CRIM1: variants seen among roughly 807,000 people sequenced by gnomAD.
The protein encoded by CRIM1 is cysteine-rich motor neuron 1 protein.
CRIM1 carries 32 observed loss-of-function variants against 116.4 expected under a neutral mutation model. That is an observed-to-expected ratio of 0.27 (90% CI 0.21 to 0.37). CRIM1 has a LOEUF of 0.37. Among genes scored for constraint, CRIM1 ranks in the 10% least tolerant of loss-of-function variants. The pLI, the probability that CRIM1 is intolerant of heterozygous loss-of-function variation, is 1.00. For synonymous variants in CRIM1, 590 were observed against 509.2 expected (o/e 1.16, Z -2.13); for missense variants, 1,331 against 1,354.8 (o/e 0.98, Z 0.28).
chr2:36,424,411 A>G (rs1000798841), intron 2 of CRIM1, among the ~76,000 whole-genome samples: 93 of 152,212 alleles, frequency 6.1e-4, no homozygotes, highest in African/African-American at 2.2e-3. Flanking sequence ...TTGCTCAGTA[A>G]ATGTTGGGTG....
intron 1 of CRIM1, among the ~76,000 whole-genome samples, chr2:36,362,952 C>A (rs1669325765): frequency 6.6e-6 from 1 of 152,000 alleles, no homozygotes; most frequent in Admixed American, 6.5e-5. Context: ...AATCCCAGCA[C>A]TTTGTGGGGC....
At chr2:36,517,986 G>C (rs1216778973) in intron 12 of CRIM1, among the ~76,000 whole-genome samples, 2 of 152,318 alleles carry the variant, frequency 1.3e-5, no homozygotes, top group East Asian at 3.9e-4. Context: ...GGGTGGCGAA[G>C]AGACTTTGAA....
chr2:36,358,392 A>G (rs1334846933), intron 1 of CRIM1, among the ~76,000 whole-genome samples: 1 of 152,240 alleles, frequency 6.6e-6, no homozygotes, highest in Non-Finnish European at 1.5e-5. Flanking sequence ...AGTTAAATGC[A>G]GTGGAAACTG....
chr2:36,387,859 T>C (rs1671283494), intron 1 of CRIM1, among the ~76,000 whole-genome samples: 1 of 152,226 alleles, frequency 6.6e-6, no homozygotes, highest in South Asian at 2.1e-4. Flanking sequence ...CTGTTTTTGT[T>C]GCTTTTACTT....
chr2:36,357,527 T>C (rs1375346128), intron 1 of CRIM1, among the ~76,000 whole-genome samples: 1 of 152,132 alleles, frequency 6.6e-6, no homozygotes, highest in African/African-American at 2.4e-5. Context: ...TGTTAGTGCG[T>C]GTTGGCTTTA....
chr2:36,450,880 G>A (rs192958771), intron 4 of CRIM1, among the ~76,000 whole-genome samples: 68 of 152,306 alleles, frequency 4.5e-4, no homozygotes, highest in Middle Eastern at 3.4e-3. Flanking sequence ...TTAGCAGATT[G>A]CTAGCACACT....
intron 8 of CRIM1, among the ~76,000 whole-genome samples, chr2:36,507,495 G>A (rs1681513345): frequency 6.6e-6 from 1 of 152,210 alleles, no homozygotes; most frequent in South Asian, 2.1e-4. Flanking sequence ...CCTATACAGT[G>A]TGTGCCTAAA....
intron 1 of CRIM1, among the ~76,000 whole-genome samples, chr2:36,374,871 T>C (rs930228888): frequency 2.0e-4 from 30 of 152,044 alleles, no homozygotes; most frequent in Non-Finnish European, 2.9e-4. Context: ...GTTTTTTTTT[T>C]TGATGTGCTT....
chr2:36,357,165 C>T (rs912642183), intron 1 of CRIM1, among the ~76,000 whole-genome samples: 11 of 152,194 alleles, frequency 7.2e-5, no homozygotes, highest in Non-Finnish European at 1.6e-4. Flanking sequence ...ACCCCTTCCT[C>T]CTCCTCCGCA....
intron 3 of CRIM1, among the ~76,000 whole-genome samples, chr2:36,442,339 C>G (rs536594297): frequency 6.6e-6 from 1 of 152,096 alleles, no homozygotes; most frequent in East Asian, 1.9e-4. Context: ...ATGCCTCTGG[C>G]TAACTGTCAC....
At chr2:36,459,248 G>A (rs1677397382) in intron 4 of CRIM1, among the ~76,000 whole-genome samples, 2 of 152,030 alleles carry the variant, frequency 1.3e-5, no homozygotes, top group African/African-American at 2.4e-5. Context: ...CCCCAAACCT[G>A]CAGAAAAACA....
At chr2:36,360,357 AC>A (rs750674392) in intron 1 of CRIM1, among the ~76,000 whole-genome samples, 8 of 152,118 alleles carry the variant, frequency 5.3e-5, no homozygotes, top group Non-Finnish European at 7.4e-5. Flanking sequence ...TCAGATAAGC[AC>A]CAATTTTTTT....
At chr2:36,396,818 C>G (rs780299302) in intron 2 of CRIM1, 31 bp downstream of exon 2, 2 of 1,573,444 alleles carry the variant, frequency 1.3e-6, no homozygotes, top group Non-Finnish European at 1.7e-6. Flanking sequence ...ACCATCCAGT[C>G]GTAAGCCTTA....
chr2:36,414,404 G>A (rs1202021076), intron 2 of CRIM1, among the ~76,000 whole-genome samples: 1 of 152,140 alleles, frequency 6.6e-6, no homozygotes, highest in Non-Finnish European at 1.5e-5. Flanking sequence ...TCCTTAATCT[G>A]TTATTCATTC....
chr2:36,460,411 T>C (rs919638232), intron 4 of CRIM1, among the ~76,000 whole-genome samples: 5 of 152,302 alleles, frequency 3.3e-5, no homozygotes, highest in African/African-American at 1.2e-4. Context: ...TGCTAGTGAG[T>C]ACAGGATTTC....
chr2:36,402,442 T>TG (rs565722388), intron 2 of CRIM1, among the ~76,000 whole-genome samples: 1 of 55,868 alleles, frequency 1.8e-5, no homozygotes, highest in Non-Finnish European at 3.6e-5. Context: ...GTGACCAGAA[T>TG]GGGGGGGAGG....
intron 15 of CRIM1, among the ~76,000 whole-genome samples, chr2:36,546,243 G>C (rs1300693283): frequency 7.2e-5 from 11 of 151,982 alleles, no homozygotes; most frequent in Non-Finnish European, 5.9e-5. Context: ...GAAACTTTAG[G>C]GAGTGCCCCC....
intron 13 of CRIM1, among the ~76,000 whole-genome samples, chr2:36,526,469 C>G (rs1665765747): frequency 6.6e-6 from 1 of 152,178 alleles, no homozygotes; most frequent in Non-Finnish European, 1.5e-5. Flanking sequence ...ATGCTACATG[C>G]CTTTCTCAAA....
At chr2:36,357,177 A>G (rs550984746) in intron 1 of CRIM1, among the ~76,000 whole-genome samples, 1 of 152,302 alleles carries the variant, frequency 6.6e-6, no homozygotes, top group Non-Finnish European at 1.5e-5. Flanking sequence ...TCCTCCGCAG[A>G]TAAATCAGTT....
Sources: gnomAD v4.1 joint callset for allele counts (sites outside exome capture counted in the v4.1 genomes callset) on GRCh38, gnomAD v4.1.1 for gene constraint, MANE v1.5 for transcripts, NCBI Gene and HGNC (gene_info 2026-07-23, HGNC 2026-07-21) for gene names.